The following ANXA6 variants were observed in gnomAD, a reference collection of about 807,000 sequenced individuals.
ANXA6 encodes 67 kDa calelectrin.
In ANXA6, 71 loss-of-function variants were observed where a neutral mutation model predicts 95.4. That is an observed-to-expected ratio of 0.74 (90% CI 0.61 to 0.91). ANXA6 has a LOEUF of 0.91. ANXA6 is among the 40% of genes least tolerant of loss of function. The pLI is 0.00. For synonymous variants in ANXA6, 289 were observed against 315.9 expected (o/e 0.91, Z 0.90); for missense variants, 830 against 876.4 (o/e 0.95, Z 0.67).
At chr5:151,117,642 C>T (rs1433241883) in intron 19 of ANXA6, 116 bp downstream of exon 19, 7 of 867,600 alleles carry the variant, frequency 8.1e-6, no homozygotes, top group African/African-American at 3.3e-5. Context: ...GGGGAGACAC[C>T]CCCTCTCCAT....
chr5:151,108,928 T>C (rs993248510), intron 22 of ANXA6, among the ~76,000 whole-genome samples: 4 of 152,150 alleles, frequency 2.6e-5, no homozygotes, highest in Admixed American at 6.5e-5. Context: ...CTCCTCTTCC[T>C]CCTGTGTCCG....
chr5:151,143,237 A>T (rs1162881310), intron 2 of ANXA6, among the ~76,000 whole-genome samples: 1 of 152,002 alleles, frequency 6.6e-6, no homozygotes, highest in African/African-American at 2.4e-5. Context: ...CTCAGATTCC[A>T]TCTGGGTGGG....
At chr5:151,130,298 G>C (rs1450160485) in intron 11 of ANXA6, among the ~76,000 whole-genome samples, 4 of 151,408 alleles carry the variant, frequency 2.6e-5, no homozygotes, top group Admixed American at 2.0e-4. Flanking sequence ...ACAGTGGCGT[G>C]ATCACATAGC....
chr5:151,138,879 T>C (rs778726921), intron 4 of ANXA6, 88 bp from the exon 5 acceptor site: 8 of 877,920 alleles, frequency 9.1e-6, no homozygotes, highest in African/African-American at 1.7e-5. Flanking sequence ...GCACTTACTC[T>C]GGCAGGTGCT....
chr5:151,137,308 T>C lies in ANXA6; in HGVS notation c.332A>G (p.Asp111Gly). The change falls in exon 6 of 26, where the codon GAT (aspartate) becomes GGT (glycine). Residue 111 changes from aspartate (D) to glycine (G), a missense_variant. By Grantham distance (94) the Asp-to-Gly change is moderately conservative. Coordinates refer to ENST00000354546, the MANE Select transcript of ANXA6 (RefSeq NM_001155.5). ...IKDAISGIGT[D>G]EKCLIEILAS... ...CAAGATCTCAATGAGGCACTTCTCA[T>C]CAGTGCCAATGCCCTGGGGGTAGAA... 1.9e-6 allele frequency: 3 copies of C among 1,612,980 alleles called. No individual in the cohort carries two copies. Among genetic ancestry groups the C allele is most frequent in the Non-Finnish European group, 1.7e-6 (2 of 1,179,490 alleles).
At chr5:151,145,068 C>T (rs1044434592) in intron 2 of ANXA6, among the ~76,000 whole-genome samples, 5 of 152,308 alleles carry the variant, frequency 3.3e-5, no homozygotes, top group East Asian at 1.9e-4. Flanking sequence ...GACAGGTTCC[C>T]GGCTGCGGGA....
rs149958862 is a variant in ANXA6 at position 151,131,900 on chromosome 5, G to A, written c.736+576C>T. Among the ~76,000 whole-genome samples the A allele has an allele frequency of 4.2e-3, 632 of 152,282 alleles. 9 individuals carry two copies. Among genetic ancestry groups the A allele is most frequent in the African/African-American group, 0.015 (606 of 41,556 alleles). On this transcript the variant is annotated intron_variant, in intron 10 of 25. Transcript: ENST00000354546. ...CCCACACCCTGCACCCCACTTAACA[G>A]ATGAGGAAACTGAGGTCCAGCAAGC... is the stretch of plus-strand genomic sequence containing the variant.
chr5:151,121,278 G>A (rs1383906042), intron 17 of ANXA6, among the ~76,000 whole-genome samples: 1 of 152,144 alleles, frequency 6.6e-6, no homozygotes, highest in Non-Finnish European at 1.5e-5. Flanking sequence ...TAACCTCCAA[G>A]TCTCAGTTTC....
Position 151,117,052 on chromosome 5 carries a change from C to T in ANXA6, c.1572+75G>A, listed in dbSNP as rs746702856. On this transcript the variant is annotated intron_variant, in intron 20 of 25. Coordinates refer to ENST00000354546, the MANE Select transcript of ANXA6 (RefSeq NM_001155.5). ...GCCTTCACTCACAGACAGGGCCCGG[C>T]GTAGACACGCATAAGCTGGACCTAC... 2.2e-5 allele frequency: 30 copies of T among 1,386,144 alleles called. No individual in the cohort carries two copies. The African/African-American group carries it at 2.5e-4, about 11-fold the overall frequency. The allele number at this position is 1,386,144 out of a possible 1,614,324, so 85.9% of individuals were successfully genotyped here. A position where few individuals can be genotyped will look rare whatever the true frequency, so the allele number is the denominator to read the frequency against.
intron 23 of ANXA6, among the ~76,000 whole-genome samples, chr5:151,107,518 C>G (rs1764728711): frequency 6.6e-6 from 1 of 152,206 alleles, no homozygotes; most frequent in African/African-American, 2.4e-5. Context: ...CTCTACTTCA[C>G]CCAAATCTAA....
chr5:151,103,335 A>C (rs1311057122), intron 25 of ANXA6, among the ~76,000 whole-genome samples: 1 of 152,204 alleles, frequency 6.6e-6, no homozygotes, highest in African/African-American at 2.4e-5. Flanking sequence ...TTGCTTTAAA[A>C]AAAGCAAAAA....
rs1305885015 is a variant in ANXA6, at chr5:151,123,017, T to C, written c.1139-6A>G. On this transcript the variant is annotated splice_region_variant and splice_polypyrimidine_tract_variant and intron_variant, in intron 15 of 25. Transcript: ENST00000354546. The stretch of plus-strand genomic sequence containing the variant: ...GATTGTGTCTTCGTCAGTCCCTGAG[T>C]CACCAAAGCCACATGCCTCAGAAGA... 2.5e-6 allele frequency: 4 copies of C among 1,612,578 alleles called. No individual in the cohort carries two copies. Among genetic ancestry groups the C allele is most frequent in the Non-Finnish European group, 3.4e-6 (4 of 1,179,532 alleles).
chr5:151,138,620 A>G, intron 5 of ANXA6, 58 bp downstream of exon 5: 1 of 1,296,530 alleles, frequency 7.7e-7, no homozygotes, highest in Non-Finnish European at 1.1e-6. Context: ...GGAAGAGCCC[A>G]GAATCTTCCC....
At chr5:151,127,642 T>G (rs1036518117) in intron 13 of ANXA6, among the ~76,000 whole-genome samples, 1 of 152,190 alleles carries the variant, frequency 6.6e-6, no homozygotes, top group Non-Finnish European at 1.5e-5. Flanking sequence ...GGCATCTCTG[T>G]GTGCTTTTAT....
chr5:151,132,462 A>G lies in ANXA6; in HGVS notation c.736+14T>C. 6.2e-7 allele frequency: 1 copy of G among 1,601,666 alleles called. No individual in the cohort carries two copies. The highest frequency in any genetic ancestry group is 1.1e-5 in the South Asian group (1 of 89,010). ...ATCCCCTAAAGCCCCCAGGAATGCA[A>G]CGTCAGGACATACCTACGGCCAGCA... On this transcript the variant is annotated intron_variant, in intron 10 of 25. Transcript: ENST00000354546.
intron 2 of ANXA6, among the ~76,000 whole-genome samples, chr5:151,144,117 C>G (rs947820699): frequency 6.6e-6 from 1 of 152,166 alleles, no homozygotes; most frequent in African/African-American, 2.4e-5. Context: ...AAGGGCAGCT[C>G]TAGCCCTGCT....
At chr5:151,109,911 C>G (rs1764803211) in intron 21 of ANXA6, 65 bp from the exon 22 acceptor site, 1 of 1,262,892 alleles carries the variant, frequency 7.9e-7, no homozygotes, top group Admixed American at 2.0e-5. Flanking sequence ...GGTTATTATT[C>G]ACTTTCATGT....
intron 20 of ANXA6, among the ~76,000 whole-genome samples, chr5:151,111,338 G>A (rs1003590590): frequency 3.9e-5 from 6 of 152,222 alleles, no homozygotes; most frequent in East Asian, 1.9e-4. Flanking sequence ...TACCTAGGCT[G>A]CGTATTGCTT....
intron 20 of ANXA6, among the ~76,000 whole-genome samples, chr5:151,115,506 T>G (rs1171116916): frequency 7.5e-6 from 1 of 134,068 alleles, no homozygotes; most frequent in Non-Finnish European, 1.6e-5. Flanking sequence ...TAGCGGCAAT[T>G]GGAAGCACAG....
Sources: allele counts gnomAD v4.1 joint callset (sites outside exome capture counted in the v4.1 genomes callset), GRCh38; gene constraint gnomAD v4.1.1; transcripts MANE v1.5; gene names NCBI Gene and HGNC (gene_info 2026-07-23, HGNC 2026-07-21).